The following GALNT10 variants were observed in gnomAD, a reference collection of about 807,000 sequenced individuals.
GALNT10 encodes GalNAc transferase 10.
GALNT10 carries 41 observed loss-of-function variants against 75.0 expected under a neutral mutation model. The observed-to-expected ratio is 0.55, with a 90% CI of 0.43 to 0.71. The LOEUF is 0.71. Among genes scored for constraint, GALNT10 ranks in the 30% least tolerant of loss-of-function variants. The pLI is 0.00. For missense variants in GALNT10, 727 were observed against 818.5 expected, an observed-to-expected ratio of 0.89 and a Z score of 1.36; for synonymous variants, 302 against 313.0, an observed-to-expected ratio of 0.96 and a Z score of 0.37.
chr5:154,274,270 A>G (rs1341986632), intron 1 of GALNT10, among the ~76,000 whole-genome samples: 1 of 152,166 alleles, frequency 6.6e-6, no homozygotes, highest in Non-Finnish European at 1.5e-5. Flanking sequence ...TTCCAGGTAA[A>G]ACTGAACCTG....
At chr5:154,337,798 TA>T in intron 4 of GALNT10, 1 of 1,013,186 alleles carries the variant, frequency 9.9e-7, no homozygotes, top group Non-Finnish European at 1.5e-6. Flanking sequence ...TCATTCCCAC[TA>T]AAACCACCTC....
In GALNT10 at chr5:154,397,118, C is replaced by T. The variant is rs566511342; in HGVS notation, c.1057-6986C>T. On this transcript the variant is annotated intron_variant, in intron 7 of 11. Transcript: ENST00000297107. ...CTCCATCCTGGGCAACAGAGCAAGA[C>T]TCCGTCTCAAAAAAAAAAAAAATAC... is the stretch of plus-strand genomic sequence containing the variant. Among the ~76,000 whole-genome samples the T allele has an allele frequency of 3.4e-5, 4 of 119,072 alleles. No individual in the cohort carries two copies. In the South Asian group the frequency reaches 7.7e-4, roughly 23 times the overall value. The allele number at this position is 119,072 out of a possible 152,430, so 78.1% of individuals were successfully genotyped here. A position where few individuals can be genotyped will look rare whatever the true frequency, so the allele number is the denominator to read the frequency against.
intron 1 of GALNT10, among the ~76,000 whole-genome samples, chr5:154,271,733 T>G (rs977517339): frequency 1.3e-5 from 2 of 152,220 alleles, no homozygotes; most frequent in East Asian, 1.9e-4. Context: ...GAAACTAAAA[T>G]GCACACCTAG....
Position 154,413,018 on chromosome 5 carries a change from C to A in GALNT10, c.1503+13C>A, listed in dbSNP as rs1330710917. On this transcript the variant is annotated intron_variant, in intron 10 of 11. Transcript: ENST00000297107. ...GAACAACATGCAGGTAAGGGCCGCC[C>A]CTCAGGGACTGGCAGCCAGGTTCTC... The A allele has an allele frequency of 2.0e-6, 3 of 1,527,824 alleles. No homozygotes were observed. The highest frequency in any genetic ancestry group is 1.7e-5 in the Admixed American group (1 of 59,452). 94.6% of individuals were successfully genotyped at this position (1,527,824 alleles called of 1,614,324 possible). A position where few individuals can be genotyped will look rare whatever the true frequency, so the allele number is the denominator to read the frequency against.
Position 154,361,809 on chromosome 5 carries a change from C to T in GALNT10, c.569-14468C>T, listed in dbSNP as rs916476409. Among the ~76,000 whole-genome samples, 11 of 152,218 alleles carry T rather than the reference C, an allele frequency of 7.2e-5. 2 individuals carry two copies. Among genetic ancestry groups the T allele is most frequent in the Non-Finnish European group, 1.5e-5 (1 of 68,040 alleles). ...CCTATTAATATGACTTGTATAATTT[C>T]TTAATGCCCCCCAGAGGAGGACAGC... On this transcript the variant is annotated intron_variant, in intron 4 of 11. Coordinates refer to ENST00000297107, the MANE Select transcript of GALNT10 (RefSeq NM_198321.4).
chr5:154,379,493 C>T (rs1755702622), intron 5 of GALNT10, among the ~76,000 whole-genome samples: 2 of 152,232 alleles, frequency 1.3e-5, no homozygotes, highest in African/African-American at 2.4e-5. Flanking sequence ...TTCTGAGCCT[C>T]GAATTTGACT....
chr5:154,310,455 TTG>T (rs1754499350), intron 3 of GALNT10, among the ~76,000 whole-genome samples: 1 of 151,224 alleles, frequency 6.6e-6, no homozygotes, highest in African/African-American at 2.4e-5. Context: ...TTTTTTTTGT[TTG>T]TTTGTTTGTT....
chr5:154,191,431 T>TCCCCCCCCCCCCCCC (rs1446489673), intron 1 of GALNT10, among the ~76,000 whole-genome samples: 1 of 55,082 alleles, frequency 1.8e-5, no homozygotes, highest in African/African-American at 7.3e-5. Context: ...GCTTCCCTCC[T>TCCCCCCCCCCCCCCC]CCCACCCCCC....
chr5:154,216,253 T>A lies in GALNT10; in HGVS notation c.159+25228T>A, dbSNP rs1484893983. 2.6e-5 allele frequency among the ~76,000 whole-genome samples: 4 copies of A among 152,262 alleles called. No individual in the cohort carries two copies. In the East Asian group the frequency reaches 7.7e-4, roughly 29 times the overall value. Reference sequence around the variant, plus strand: ...TTTTAAAGTTGTAATAATAATAATATTATTTTTAAAAAATACTGCTATGTG... The same window carrying A: ...TTTTAAAGTTGTAATAATAATAATAATATTTTTAAAAAATACTGCTATGTG... On this transcript the variant is annotated intron_variant, in intron 1 of 11. Transcript: ENST00000297107.
rs1756543093 is a variant in GALNT10 at position 154,417,637 on chromosome 5, A to G, written c.*665A>G. The G allele has an allele frequency of 6.6e-6, 1 of 151,950 alleles. No homozygotes were observed. Among genetic ancestry groups the G allele is most frequent in the Non-Finnish European group, 1.5e-5 (1 of 68,084 alleles). 9.4% of individuals were successfully genotyped at this position (151,950 alleles called of 1,614,324 possible). A position where few individuals can be genotyped will look rare whatever the true frequency, so the allele number is the denominator to read the frequency against. ...AGGAGTCAGAAGAGGGAGCCCCCCTAGACATTTCTTTGCAGCTATGGACAT... is the reference window on the plus strand; with the variant it reads ...AGGAGTCAGAAGAGGGAGCCCCCCTGGACATTTCTTTGCAGCTATGGACAT... On this transcript the variant is annotated 3_prime_UTR_variant, in exon 12 of 12. Transcript: ENST00000297107.
intron 1 of GALNT10, among the ~76,000 whole-genome samples, chr5:154,196,491 G>A (rs916740570): frequency 1.1e-4 from 16 of 152,180 alleles, no homozygotes; most frequent in African/African-American, 3.9e-4. Context: ...CTAGAGGTTT[G>A]TGGCATTGTC....
intron 4 of GALNT10, among the ~76,000 whole-genome samples, chr5:154,333,377 G>A (rs555551176): frequency 2.0e-5 from 3 of 152,132 alleles, no homozygotes; most frequent in Non-Finnish European, 2.9e-5. Context: ...GCAGAAACAC[G>A]TTATTCCTTT....
chr5:154,202,895 C>A (rs1299170606), intron 1 of GALNT10, among the ~76,000 whole-genome samples: 1 of 152,160 alleles, frequency 6.6e-6, no homozygotes, highest in Non-Finnish European at 1.5e-5. Flanking sequence ...CTCCCTTTCG[C>A]AGCCTAGACC....
chr5:154,297,114 A>T (rs1431556306), intron 2 of GALNT10, among the ~76,000 whole-genome samples: 1 of 152,174 alleles, frequency 6.6e-6, no homozygotes, highest in East Asian at 1.9e-4. Flanking sequence ...CTACTATTGC[A>T]GGGGTCGATG....
intron 3 of GALNT10, among the ~76,000 whole-genome samples, chr5:154,322,324 C>G (rs1322192606): frequency 6.6e-6 from 1 of 152,178 alleles, no homozygotes; most frequent in Admixed American, 6.5e-5. Context: ...CCCTTTTCCT[C>G]CATCTTGAGA....
At position 154,419,013 on chromosome 5, in the gene GALNT10, G is replaced by A. The variant is rs1056802459; in HGVS notation, c.*2041G>A. ...TTTTAAAAAGAAAAATGCAAATATA[G>A]AGCAAATCCCTAAACTTGAACCATT... On this transcript the variant is annotated 3_prime_UTR_variant, in exon 12 of 12. Coordinates refer to ENST00000297107, the MANE Select transcript of GALNT10 (RefSeq NM_198321.4). 1.3e-5 allele frequency: 2 copies of A among 152,450 alleles called. No homozygotes were observed. Among genetic ancestry groups the A allele is most frequent in the African/African-American group, 4.8e-5 (2 of 41,374 alleles). The allele number at this position is 152,450 out of a possible 1,614,324, so 9.4% of individuals were successfully genotyped here.
At chr5:154,214,424 C>T (rs1029381852) in intron 1 of GALNT10, among the ~76,000 whole-genome samples, 17 of 152,028 alleles carry the variant, frequency 1.1e-4, no homozygotes, top group Admixed American at 2.0e-4. Context: ...TCAGAAGCAG[C>T]GAGCACTCAT....
chr5:154,310,912 A>G (rs1423982671), intron 3 of GALNT10, among the ~76,000 whole-genome samples: 4 of 152,228 alleles, frequency 2.6e-5, no homozygotes, highest in Non-Finnish European at 5.9e-5. Flanking sequence ...GTGCTCATAT[A>G]CCTTAAAATA....
intron 1 of GALNT10, among the ~76,000 whole-genome samples, chr5:154,288,522 G>A (rs1425719950): frequency 2.0e-5 from 3 of 152,018 alleles, no homozygotes; most frequent in Non-Finnish European, 4.4e-5. Flanking sequence ...AGAGCAGCCA[G>A]TCAAAATCCA....
Sources: allele counts gnomAD v4.1 joint callset (sites outside exome capture counted in the v4.1 genomes callset), GRCh38; gene constraint gnomAD v4.1.1; transcripts MANE v1.5; gene names NCBI Gene and HGNC (gene_info 2026-07-23, HGNC 2026-07-21).